The following OTUD7B variants were observed in gnomAD, a reference collection of about 807,000 sequenced individuals.
OTUD7B encodes OTU deubiquitinase 7B.
In OTUD7B, 34 loss-of-function variants were observed where a neutral mutation model predicts 82.2. The observed-to-expected ratio is 0.41, with a 90% CI of 0.31 to 0.55. The LOEUF is 0.55. Ranked by LOEUF, OTUD7B falls within the 20% of genes least tolerant of loss-of-function variation. The pLI, the probability that OTUD7B is intolerant of heterozygous loss-of-function variation, is 0.20. For missense variants in OTUD7B, 944 were observed against 1,062.1 expected, an observed-to-expected ratio of 0.89 and a Z score of 1.55; for synonymous variants, 398 against 402.7, an observed-to-expected ratio of 0.99 and a Z score of 0.14.
intron 7 of OTUD7B, among the ~76,000 whole-genome samples, chr1:149,950,975 G>GTTTTTTTTTTTTTT (rs1376360627): frequency 1.6e-4 from 2 of 12,244 alleles, no homozygotes; most frequent in Admixed American, 1.1e-3. Context: ...TGTACTTTTT[G>GTTTTTTTTTTTTTT]TATTTTTTTT....
In OTUD7B at chr1:149,942,315, C is replaced by T. The variant is rs1419281180; in HGVS notation, c.*1542G>A. ...CAATTGCATAGTTGACTTTTTTTCC[C>T]GGAAAAAAATATAAAGAAAAAGGAA... On this transcript the variant is annotated 3_prime_UTR_variant, in exon 12 of 12. Transcript: ENST00000581312. The T allele has an allele frequency of 1.3e-5, 2 of 152,480 alleles. No individual in the cohort carries two copies. Among genetic ancestry groups the T allele is most frequent in the South Asian group, 2.1e-4 (1 of 4,826 alleles). 9.4% of individuals were successfully genotyped at this position (152,480 alleles called of 1,614,324 possible).
At position 149,944,725 on chromosome 1, in the gene OTUD7B, G is replaced by A. The variant is rs587626616; in HGVS notation, c.1664C>T (p.Ser555Leu). 2 of 1,613,708 alleles carry A rather than the reference G, an allele frequency of 1.2e-6. No homozygotes were observed. The highest frequency in any genetic ancestry group is 1.3e-5 in the African/African-American group (1 of 74,956). ...TETLEKKKKN[S>L]LKSWKGGKEE... The stretch of plus-strand genomic sequence containing the variant: ...CTTGCCACCCTTCCAGCTCTTCAGT[G>A]AGTTTTTCTTCTTCTTCTCCAGTGT... Residue 555 changes from serine (S) to leucine (L), a missense_variant, in exon 12 of 12, where the codon TCA (serine) becomes TTA (leucine). This residue lies in a region of OTUD7B where 412 missense variants were observed against 418.7 expected (regional missense o/e 0.98). Transcript: ENST00000581312.
At chr1:150,012,078 A>C (rs142443371), upstream of OTUD7B, among the ~76,000 whole-genome samples, 73 of 152,356 alleles carry the variant, frequency 4.8e-4, no homozygotes, top group Non-Finnish European at 8.4e-4. Context: ...AAGACATACA[A>C]TAGAGGTTGA....
At chr1:149,947,204 A>C (rs1553772346) in intron 11 of OTUD7B, 47 bp downstream of exon 11, 1 of 1,092,538 alleles carries the variant, frequency 9.2e-7, no homozygotes, top group South Asian at 1.3e-5. Flanking sequence ...TCTGTCACTG[A>C]AAATGAAATG....
intron 1 of OTUD7B, among the ~76,000 whole-genome samples, chr1:150,002,847 T>C (rs1214492632): frequency 6.6e-6 from 1 of 152,178 alleles, no homozygotes; most frequent in Non-Finnish European, 1.5e-5. Context: ...ATAATGAAGT[T>C]ATTGAAAGGA....
At chr1:149,966,123 T>A (rs1559841912) in intron 4 of OTUD7B, among the ~76,000 whole-genome samples, 2 of 152,268 alleles carry the variant, frequency 1.3e-5, no homozygotes, top group South Asian at 4.1e-4. Flanking sequence ...ACTGAAGATA[T>A]GTTTGCATGT....
intron 1 of OTUD7B, among the ~76,000 whole-genome samples, chr1:150,000,363 T>A (rs1652196559): frequency 6.6e-6 from 1 of 151,994 alleles, no homozygotes; most frequent in Non-Finnish European, 1.5e-5. Context: ...TAGTCCCAGC[T>A]ACTTGGGAGG....
intron 6 of OTUD7B, 112 bp from the exon 7 acceptor site, chr1:149,959,908 T>G: frequency 1.4e-6 from 1 of 696,596 alleles, no homozygotes; most frequent in Non-Finnish European, 2.6e-6. Flanking sequence ...TAGCACTTGG[T>G]TTACAAATTG....
At chr1:150,042,949 T>G in the OTUD7B span, among the ~76,000 whole-genome samples, 7 of 152,200 alleles carry the variant, frequency 4.6e-5, no homozygotes, top group African/African-American at 1.7e-4. Context: ...GATCCACATT[T>G]CAAATCTCAT....
At chr1:149,982,314 C>T (rs1377450190) in intron 1 of OTUD7B, among the ~76,000 whole-genome samples, 3 of 151,940 alleles carry the variant, frequency 2.0e-5, no homozygotes, top group East Asian at 3.9e-4. Context: ...TAGTCTGAAC[C>T]CATGCTCTTT....
chr1:150,054,658 A>C, the OTUD7B span: 1 of 330,734 alleles, frequency 3.0e-6, no homozygotes, highest in Non-Finnish European at 5.9e-6. Flanking sequence ...AAATACAAAA[A>C]TTAGCCGGGT....
At chr1:150,010,266 G>T (rs1559872119) in intron 1 of OTUD7B, among the ~76,000 whole-genome samples, 182 bp downstream of exon 1, 1 of 152,132 alleles carries the variant, frequency 6.6e-6, no homozygotes, top group Non-Finnish European at 1.5e-5. Context: ...AGGAAAGATC[G>T]GGACGAAGCA....
At chr1:149,960,646 T>C (rs1649092123) in intron 6 of OTUD7B, among the ~76,000 whole-genome samples, 1 of 151,880 alleles carries the variant, frequency 6.6e-6, no homozygotes, top group African/African-American at 2.4e-5. Context: ...CCACCCAAAA[T>C]GCTGGGATTA....
chr1:149,996,888 T>C (rs79412686), intron 1 of OTUD7B, among the ~76,000 whole-genome samples: 1,709 of 152,288 alleles, frequency 0.011, 39 homozygotes, highest in African/African-American at 0.039. Context: ...AAGATGTTTA[T>C]TACTATCATC....
the OTUD7B span, among the ~76,000 whole-genome samples, chr1:150,032,082 G>A: frequency 2.8e-4 from 42 of 151,916 alleles, no homozygotes; most frequent in African/African-American, 8.7e-4. Context: ...AGGCTGAGGC[G>A]GGTGGATCAC....
the OTUD7B span, chr1:150,054,904 C>A: frequency 1.1e-5 from 3 of 267,884 alleles, no homozygotes; most frequent in South Asian, 1.4e-4. Flanking sequence ...TACAGAGCAG[C>A]ACAAGATTGA....
the OTUD7B span, among the ~76,000 whole-genome samples, chr1:150,028,616 CT>C: frequency 6.6e-6 from 1 of 152,162 alleles, no homozygotes; most frequent in Non-Finnish European, 1.5e-5. Context: ...CCTGTTCCCC[CT>C]AACCCTTGGC....
chr1:149,946,359 G>A (rs1460775070), intron 11 of OTUD7B, among the ~76,000 whole-genome samples: 5 of 151,972 alleles, frequency 3.3e-5, no homozygotes, highest in African/African-American at 4.8e-5. Flanking sequence ...GCAAGATTCC[G>A]TCTCAAAAAA....
intron 1 of OTUD7B, among the ~76,000 whole-genome samples, chr1:149,992,544 C>T (rs1484872311): frequency 8.2e-6 from 1 of 122,340 alleles, no homozygotes; most frequent in Non-Finnish European, 1.6e-5. Context: ...AGTGCAATCT[C>T]GGCTCACTGC....
Sources: allele counts gnomAD v4.1 joint callset (sites outside exome capture counted in the v4.1 genomes callset), GRCh38; gene constraint gnomAD v4.1.1; regional missense constraint gnomAD v4.1.1; transcripts MANE v1.5; gene names NCBI Gene and HGNC (gene_info 2026-07-23, HGNC 2026-07-21).